BICD1: variants seen among roughly 807,000 people sequenced by gnomAD.
BICD1 encodes BICD cargo adaptor 1.
BICD1 carries 35 observed loss-of-function variants against 92.5 expected under a neutral mutation model. That is an observed-to-expected ratio of 0.38 (90% CI 0.29 to 0.50). The LOEUF is 0.50. Among genes scored for constraint, BICD1 ranks in the 20% least tolerant of loss-of-function variants. BICD1 has a pLI of 0.93. For missense variants in BICD1, 950 were observed against 1,189.8 expected (o/e 0.80, Z 2.97); for synonymous variants, 429 against 465.1 (o/e 0.92, Z 1.00).
intron 2 of BICD1, among the ~76,000 whole-genome samples, chr12:32,233,287 A>G (rs1592524943): frequency 7.2e-6 from 1 of 138,748 alleles, no homozygotes; most frequent in Admixed American, 8.4e-5. Context: ...GTGCCATTGC[A>G]CTCCAGCCTG....
chr12:32,235,470 A>AT (rs368010956), intron 2 of BICD1, among the ~76,000 whole-genome samples: 18,962 of 150,432 alleles, frequency 0.13, 1,953 homozygotes, highest in African/African-American at 0.28. Flanking sequence ...CTTTATGGCT[A>AT]TTTTTTTTTC....
intron 2 of BICD1, among the ~76,000 whole-genome samples, chr12:32,282,767 C>G (rs1239727838): frequency 6.6e-6 from 1 of 152,046 alleles, no homozygotes; most frequent in African/African-American, 2.4e-5. Flanking sequence ...GGAAGCCACA[C>G]GAGAAAGTGT....
In BICD1 at chr12:32,351,298, C is replaced by A. The variant is rs1301877755; in HGVS notation, c.2764+12319C>A. ...GTCAGGAGTTCAAGAGCAGCCTGGC[C>A]AACATGGTGAAACCCTGTCTCTACT... On this transcript the variant is annotated intron_variant, in intron 8 of 9. Coordinates refer to ENST00000652176, the MANE Select transcript of BICD1 (RefSeq NM_001714.4). Among the ~76,000 whole-genome samples, 7 of 150,808 alleles carry A rather than the reference C, an allele frequency of 4.6e-5. No homozygotes were observed. The East Asian group carries it at 1.4e-3, about 30-fold the overall frequency.
chr12:32,120,867 T>TAGAG (rs144690164), intron 1 of BICD1, among the ~76,000 whole-genome samples: 156 of 83,466 alleles, frequency 1.9e-3, no homozygotes, highest in Non-Finnish European at 2.7e-3. Context: ...AATCAACCAT[T>TAGAG]AGAGAGAGAG....
chr12:32,266,939 T>C (rs161978), intron 2 of BICD1, among the ~76,000 whole-genome samples: 64,740 of 151,872 alleles, frequency 0.43, 14,312 homozygotes, highest in South Asian at 0.5. Context: ...CCATTCCTCC[T>C]TGTGGGAATT....
At chr12:32,292,145 G>A (rs11051911) in intron 2 of BICD1, among the ~76,000 whole-genome samples, 19,436 of 152,108 alleles carry the variant, frequency 0.13, 1,365 homozygotes, top group East Asian at 0.22. Flanking sequence ...TCATGGTGTC[G>A]GCAGGGCCAT....
At chr12:32,286,052 C>A (rs1319829081) in intron 2 of BICD1, among the ~76,000 whole-genome samples, 2 of 152,134 alleles carry the variant, frequency 1.3e-5, no homozygotes, top group East Asian at 3.9e-4. Flanking sequence ...TCAGCTTAAC[C>A]AGTGTTGCAG....
In BICD1 at chr12:32,107,229, C is replaced by G. The variant is rs1941504060; in HGVS notation, c.-103C>G. On this transcript the variant is annotated 5_prime_UTR_variant, in exon 1 of 10. Transcript: ENST00000652176. ...CATTCATCCGGCCGCACTTTCTTTTCCGTTTCCACCCATCCCTTCCCATTT... is the reference window on the plus strand; with the variant it reads ...CATTCATCCGGCCGCACTTTCTTTTGCGTTTCCACCCATCCCTTCCCATTT... The G allele has an allele frequency of 1.8e-6, 2 of 1,133,884 alleles. No homozygotes were observed. Among genetic ancestry groups the G allele is most frequent in the Admixed American group, 2.6e-5 (1 of 38,288 alleles). The allele number at this position is 1,133,884 out of a possible 1,614,324, so 70.2% of individuals were successfully genotyped here. A position where few individuals can be genotyped will look rare whatever the true frequency, so the allele number is the denominator to read the frequency against.
intron 8 of BICD1, chr12:32,339,905 C>A (rs920678298): frequency 6.6e-6 from 6 of 904,312 alleles, no homozygotes; most frequent in Non-Finnish European, 6.6e-6. Flanking sequence ...ATCTGGCAGC[C>A]CTAGGTCTGC....
chr12:32,349,187 C>T (rs1419124918), intron 8 of BICD1, among the ~76,000 whole-genome samples: 5 of 152,162 alleles, frequency 3.3e-5, no homozygotes, highest in African/African-American at 1.2e-4. Flanking sequence ...TCCGTATCTT[C>T]TGTGCTGTAC....
rs1948199294 is a variant in BICD1 at position 32,305,889 on chromosome 12, C to A, written c.772C>A (p.Leu258Ile). The A allele has an allele frequency of 4.3e-6, 7 of 1,614,122 alleles. No homozygotes were observed. The highest frequency in any genetic ancestry group is 5.1e-6 in the Non-Finnish European group (6 of 1,180,024). The change falls in exon 4 of 10, where the codon CTC becomes ATC. Residue 258 changes from leucine to isoleucine, a missense_variant. Physicochemically the swap from Leu to Ile is conservative, Grantham distance 5 (BLOSUM62 2). Around this residue, in one of 5 missense-constraint regions of BICD1, gnomAD observed 246 missense variants for 258.4 expected, o/e 0.95. Transcript: ENST00000652176. ...GAAGGAGCTCTCCCAGTATATCAGC[C>A]TCAATGATAACCATATCAGCATCTC... is the stretch of plus-strand genomic sequence containing the variant. ...LRKELSQYIS[L>I]NDNHISISVD...
chr12:32,278,850 T>C (rs1483127206), intron 2 of BICD1, among the ~76,000 whole-genome samples: 1 of 147,336 alleles, frequency 6.8e-6, no homozygotes, highest in Admixed American at 6.9e-5. Flanking sequence ...AGCGAGACCC[T>C]GTCTCAAAGA....
intron 1 of BICD1, among the ~76,000 whole-genome samples, chr12:32,172,377 T>C (rs1943970175): frequency 6.6e-6 from 1 of 152,214 alleles, no homozygotes; most frequent in African/African-American, 2.4e-5. Flanking sequence ...AGCAAGCTGC[T>C]TTGCTCCCTT....
At chr12:32,153,292 A>G (rs1943342809) in intron 1 of BICD1, among the ~76,000 whole-genome samples, 1 of 152,166 alleles carries the variant, frequency 6.6e-6, no homozygotes, top group Non-Finnish European at 1.5e-5. Flanking sequence ...TTTATATACC[A>G]CATTTTCTTT....
At position 32,377,716 on chromosome 12, in the gene BICD1, C is replaced by A; in HGVS notation, c.*89C>A. 2 of 1,185,328 alleles carry A rather than the reference C, an allele frequency of 1.7e-6. No homozygotes were observed. The highest frequency in any genetic ancestry group is 2.5e-6 in the Non-Finnish European group (2 of 796,492). The allele number at this position is 1,185,328 out of a possible 1,614,324, so 73.4% of individuals were successfully genotyped here. A position where few individuals can be genotyped will look rare whatever the true frequency, so the allele number is the denominator to read the frequency against. ...CAAGATCCAGCGGGTGTTTTCTTCT[C>A]GGTTGTTAGATGTACAATTGGATTA... On this transcript the variant is annotated 3_prime_UTR_variant, in exon 10 of 10. Coordinates refer to ENST00000652176, the MANE Select transcript of BICD1 (RefSeq NM_001714.4).
intron 2 of BICD1, among the ~76,000 whole-genome samples, chr12:32,258,975 C>T (rs1565624898): frequency 6.6e-6 from 1 of 152,056 alleles, no homozygotes. Flanking sequence ...CAGAGTGTTC[C>T]CTGAGTCCTC....
chr12:32,288,837 G>C (rs1947649652), intron 2 of BICD1, among the ~76,000 whole-genome samples: 1 of 151,508 alleles, frequency 6.6e-6, no homozygotes, highest in South Asian at 2.1e-4. Flanking sequence ...CTGTACTCCA[G>C]CCTGGGTGAC....
At chr12:32,164,385 T>A (rs1004475464) in intron 1 of BICD1, among the ~76,000 whole-genome samples, 2 of 152,230 alleles carry the variant, frequency 1.3e-5, no homozygotes, top group Non-Finnish European at 2.9e-5. Context: ...ATCAGTTCTT[T>A]CCACCCTGTA....
At chr12:32,318,719 T>G (rs1474875457) in intron 4 of BICD1, among the ~76,000 whole-genome samples, 1 of 152,164 alleles carries the variant, frequency 6.6e-6, no homozygotes, top group Non-Finnish European at 1.5e-5. Flanking sequence ...CCAGGCGTAG[T>G]GGCGCATGCC....
Sources: gnomAD v4.1 joint callset for allele counts (sites outside exome capture counted in the v4.1 genomes callset) on GRCh38, gnomAD v4.1.1 for gene constraint, gnomAD v4.1.1 regional missense constraint, MANE v1.5 for transcripts, NCBI Gene and HGNC (gene_info 2026-07-23, HGNC 2026-07-21) for gene names.